The following ATG12 variants were observed in gnomAD, a reference collection of about 807,000 sequenced individuals.
ATG12 encodes the protein ubiquitin-like protein ATG12.
In ATG12, 19 loss-of-function variants were observed where a neutral mutation model predicts 17.6. The ratio of observed to expected loss-of-function variants is 1.08; its 90% confidence interval spans 0.75 to 1.58. The LOEUF is 1.58. ATG12 is among the 40% of genes most tolerant of loss of function. The pLI is 0.00. For synonymous variants in ATG12, 75 were observed against 62.4 expected (o/e 1.20, Z -0.95); for missense variants, 214 against 162.0 (o/e 1.32, Z -1.74).
chr5:115,841,319 T>C, intron 1 of ATG12, 71 bp downstream of exon 1: 2 of 1,596,254 alleles, frequency 1.3e-6, no homozygotes, highest in Non-Finnish European at 1.7e-6. Context: ...TTTGCTTCTT[T>C]ACTGGCCGCC....
In ATG12 at chr5:115,841,503, G is replaced by A. The variant is rs756770683; in HGVS notation, c.50C>T (p.Ala17Val). 5 of 1,612,342 alleles carry A rather than the reference G, an allele frequency of 3.1e-6. No individual in the cohort carries two copies. Among genetic ancestry groups the A allele is most frequent in the Admixed American group, 1.7e-5 (1 of 59,442 alleles). Residue 17 changes from alanine (A) to valine (V), a missense_variant, in exon 1 of 4, where the codon GCT becomes GTT. Transcript: ENST00000509910. ...GACATCCGTAAGTCCTTCCCCTCCA[G>A]CAGCAATTGAAGTAGGAAGCTGCAA... ...SVLQLPTSIA[A>V]GGEGLTDVSP...
intron 2 of ATG12, among the ~76,000 whole-genome samples, chr5:115,836,813 A>C (rs192475510): frequency 1.6e-4 from 25 of 152,352 alleles, no homozygotes; most frequent in Middle Eastern, 3.4e-3. Context: ...AATGTGCCAA[A>C]TACATGTAGA....
chr5:115,829,768 A>G lies in ATG12; in HGVS notation c.*2036T>C, dbSNP rs946280547. ...TTTAATGTTGCAAATTTAGCGCAGAATAATTCTTTGAGTAAAGATCAAGAA... is the reference window on the plus strand; with the variant it reads ...TTTAATGTTGCAAATTTAGCGCAGAGTAATTCTTTGAGTAAAGATCAAGAA... On this transcript the variant is annotated 3_prime_UTR_variant, in exon 4 of 4. Coordinates refer to ENST00000509910, the MANE Select transcript of ATG12 (RefSeq NM_004707.4). 3.3e-5 allele frequency: 5 copies of G among 152,216 alleles called. No homozygotes were observed. Among genetic ancestry groups the G allele is most frequent in the Non-Finnish European group, 7.3e-5 (5 of 68,042 alleles). The allele number at this position is 152,216 out of a possible 1,614,324, so 9.4% of individuals were successfully genotyped here.
intron 2 of ATG12, among the ~76,000 whole-genome samples, chr5:115,835,978 G>A (rs529285323): frequency 3.9e-5 from 6 of 152,152 alleles, no homozygotes; most frequent in East Asian, 1.9e-4. Flanking sequence ...AGAGATTCAC[G>A]TGTACCTTCT....
chr5:115,837,910 G>T, intron 1 of ATG12, 146 bp from the exon 2 acceptor site: 2 of 674,952 alleles, frequency 3.0e-6, no homozygotes, highest in Non-Finnish European at 2.2e-6. Flanking sequence ...ATGTAAAAAT[G>T]TTAGATTCTT....
At chr5:115,839,255 G>A (rs1159589799) in intron 1 of ATG12, 1 of 151,944 alleles carries the variant, frequency 6.6e-6, no homozygotes, top group Non-Finnish European at 1.5e-5. Context: ...TTAAATATTG[G>A]GGCCAAAAGA....
intron 2 of ATG12, chr5:115,834,252 G>A (rs959934478): frequency 6.6e-6 from 1 of 152,174 alleles, no homozygotes; most frequent in Non-Finnish European, 1.5e-5. Flanking sequence ...GGCATTCAAT[G>A]TGATTTTGTA....
Position 115,841,506 on chromosome 5 carries a change from G to A in ATG12, c.47C>T (p.Ala16Val). 1.2e-6 allele frequency: 2 copies of A among 1,612,352 alleles called. No individual in the cohort carries two copies. The highest frequency in any genetic ancestry group is 8.5e-7 in the Non-Finnish European group (1 of 1,179,440). Residue 16 changes from alanine to valine, a missense_variant, in exon 1 of 4, where the codon GCT becomes GTT. Transcript: ENST00000509910. ...QSVLQLPTSI[A>V]AGGEGLTDVS... ...ATCCGTAAGTCCTTCCCCTCCAGCA[G>A]CAATTGAAGTAGGAAGCTGCAACAC...
Position 115,835,521 on chromosome 5 carries a change from A to G in ATG12, c.300+2107T>C, listed in dbSNP as rs569422614. 1.4e-3 allele frequency among the ~76,000 whole-genome samples: 217 copies of G among 151,568 alleles called. 2 individuals are homozygous for G. Among genetic ancestry groups the G allele is most frequent in the African/African-American group, 5.1e-3 (210 of 41,262 alleles). ...GGTCTTTCTCTTTCCTTCCTTTCTC[A>G]TGTCCCTACCCTTTTCAATTTTCAT... On this transcript the variant is annotated intron_variant, in intron 2 of 3. Transcript: ENST00000509910.
intron 2 of ATG12, among the ~76,000 whole-genome samples, chr5:115,834,606 A>G (rs1761014922): frequency 6.6e-6 from 1 of 152,142 alleles, no homozygotes; most frequent in South Asian, 2.1e-4. Context: ...TATTCTGGTT[A>G]TAAAGCTCTC....
chr5:115,839,699 C>A (rs1273849328), intron 1 of ATG12, among the ~76,000 whole-genome samples: 1 of 152,202 alleles, frequency 6.6e-6, no homozygotes, highest in Non-Finnish European at 1.5e-5. Context: ...TAACATACCT[C>A]CAGTGCCAAA....
At position 115,841,540 on chromosome 5, in the gene ATG12, G is replaced by C. The variant is rs774735085; in HGVS notation, c.13C>G (p.Pro5Ala). ...GTAGGAAGCTGCAACACAGACTGCG[G>C]CTCCTCCGCCATCTTGCTTGGAGAC... is the stretch of plus-strand genomic sequence containing the variant. Reference protein sequence around the residue: MAEEPQSVLQLPTSI... With the variant: MAEEAQSVLQLPTSI... Residue 5 changes from proline to alanine, a missense_variant, in exon 1 of 4, where the codon CCG (proline) becomes GCG (alanine). Transcript: ENST00000509910. 2 of 1,613,610 alleles carry C rather than the reference G, an allele frequency of 1.2e-6. No homozygotes were observed. The highest frequency in any genetic ancestry group is 1.7e-5 in the Admixed American group (1 of 59,880).
At chr5:115,840,699 C>T (rs1761372327) in intron 1 of ATG12, 1 of 1,198,406 alleles carries the variant, frequency 8.3e-7, no homozygotes, top group South Asian at 1.5e-5. Context: ...CCATAGGCAA[C>T]TCTAACTCTA....
chr5:115,831,472 TCA>T lies in ATG12; in HGVS notation c.*330_*331del, dbSNP rs761771630. ...ATTAACTTTTACCATGAAAACAATT[TCA>T]GTCATTTTGAGAACTGACAATGAAG... On this transcript the variant is annotated 3_prime_UTR_variant, in exon 4 of 4. Transcript: ENST00000509910. The T allele has an allele frequency of 2.1e-5, 7 of 328,028 alleles. No homozygotes were observed. Among genetic ancestry groups the T allele is most frequent in the Non-Finnish European group, 2.8e-5 (5 of 180,198 alleles). 20.3% of individuals were successfully genotyped at this position (328,028 alleles called of 1,614,324 possible).
intron 2 of ATG12, among the ~76,000 whole-genome samples, chr5:115,836,572 A>G (rs565469942): frequency 6.6e-6 from 1 of 152,224 alleles, no homozygotes; most frequent in South Asian, 2.1e-4. Flanking sequence ...AAATTCCAAC[A>G]TGTCCTGCTT....
At chr5:115,837,501 G>T in intron 2 of ATG12, 127 bp downstream of exon 2, 1 of 982,948 alleles carries the variant, frequency 1.0e-6, no homozygotes, top group East Asian at 2.6e-5. Context: ...AAAAATAAAG[G>T]GATAAAAGGG....
rs780023621 is a variant in ATG12 at position 115,841,514 on chromosome 5, A to T, written c.39T>A (p.Thr13=). 1 of 1,612,592 alleles carries T rather than the reference A, an allele frequency of 6.2e-7. No homozygotes were observed. The highest frequency in any genetic ancestry group is 8.5e-7 in the Non-Finnish European group (1 of 1,179,480). ...GTCCTTCCCCTCCAGCAGCAATTGA[A>T]GTAGGAAGCTGCAACACAGACTGCG... ...EEPQSVLQLP[T]SIAAGGEGLT... Residue 13 remains threonine (T), a synonymous_variant, in exon 1 of 4, where the codon ACT becomes ACA. Coordinates refer to ENST00000509910, the MANE Select transcript of ATG12 (RefSeq NM_004707.4).
Position 115,828,339 on chromosome 5 carries a change from TAA to T in ATG12, c.*3463_*3464del, listed in dbSNP as rs1760721311. On this transcript the variant is annotated 3_prime_UTR_variant, in exon 4 of 4. Transcript: ENST00000509910. The stretch of plus-strand genomic sequence containing the variant: ...TTTTTGATATTGCCAAATGGCCCCC[TAA>T]AAGTGATATACCAACTCATATTCTA... 6.6e-6 allele frequency: 1 copy of T among 152,180 alleles called. No homozygotes were observed. The highest frequency in any genetic ancestry group is 2.1e-4 in the South Asian group (1 of 4,834). 9.4% of individuals were successfully genotyped at this position (152,180 alleles called of 1,614,324 possible). A position where few individuals can be genotyped will look rare whatever the true frequency, so the allele number is the denominator to read the frequency against.
intron 2 of ATG12, 163 bp from the exon 3 acceptor site, chr5:115,832,827 G>A (rs575064879): frequency 1.1e-3 from 650 of 590,132 alleles, no homozygotes; most frequent in Non-Finnish European, 1.5e-3. Context: ...AGATCATTAC[G>A]AAGATCTCAT....
Sources: gnomAD v4.1 joint callset for allele counts (sites outside exome capture counted in the v4.1 genomes callset) on GRCh38, gnomAD v4.1.1 for gene constraint, MANE v1.5 for transcripts, NCBI Gene and HGNC (gene_info 2026-07-23, HGNC 2026-07-21) for gene names.